The following KSR2 variants were observed in gnomAD, a reference collection of about 807,000 sequenced individuals.
KSR2 encodes the protein kinase suppressor of ras 2.
Under a neutral mutation model 107.8 loss-of-function variants are expected in KSR2, and 25 were observed. The observed-to-expected ratio is 0.23, with a 90% CI of 0.17 to 0.32. KSR2 has a LOEUF of 0.32. Among genes scored for constraint, KSR2 ranks in the 10% least tolerant of loss-of-function variants. The pLI, the probability that KSR2 is intolerant of heterozygous loss-of-function variation, is 1.00. For missense variants in KSR2, 887 were observed against 1,268.9 expected, an observed-to-expected ratio of 0.70 and a Z score of 4.57; for synonymous variants, 480 against 507.0, an observed-to-expected ratio of 0.95 and a Z score of 0.71.
intron 3 of KSR2, among the ~76,000 whole-genome samples, chr12:117,793,048 A>C (rs1442967636): frequency 1.3e-5 from 2 of 148,412 alleles, no homozygotes; most frequent in Admixed American, 6.7e-5. Flanking sequence ...ACACGCTCAC[A>C]TCAACATGCA....
chr12:117,582,400 A>AGCCCACCCCAGTCTCT, intron 5 of KSR2, 41 bp from the exon 6 acceptor site: 1 of 1,519,728 alleles, frequency 6.6e-7, no homozygotes, highest in Non-Finnish European at 9.1e-7. Flanking sequence ...AGAGGGTCAG[A>AGCCCACCCCAGTCTCT]GACTGGGGTG....
At chr12:117,703,152 G>T (rs1273197237) in intron 4 of KSR2, among the ~76,000 whole-genome samples, 2 of 152,162 alleles carry the variant, frequency 1.3e-5, no homozygotes, top group East Asian at 3.9e-4. Flanking sequence ...AGATGGCTCT[G>T]GAGTCAGGCC....
intron 1 of KSR2, among the ~76,000 whole-genome samples, chr12:117,882,618 T>TATCC (rs368662734): frequency 8.6e-5 from 12 of 138,848 alleles, no homozygotes; most frequent in African/African-American, 2.7e-4. Flanking sequence ...TCCTTCCATC[T>TATCC]ATCCATCCAT....
intron 2 of KSR2, among the ~76,000 whole-genome samples, chr12:117,857,491 A>C (rs1893142252): frequency 6.6e-6 from 1 of 152,116 alleles, no homozygotes; most frequent in Non-Finnish European, 1.5e-5. Flanking sequence ...ATTTCAATTT[A>C]CTCTAAAGCT....
chr12:117,785,475 C>CAGA (rs1302071102), intron 3 of KSR2, among the ~76,000 whole-genome samples: 5 of 142,938 alleles, frequency 3.5e-5, no homozygotes, highest in African/African-American at 1.3e-4. Context: ...TGAGATGAGC[C>CAGA]AGATATTAGA....
At chr12:117,717,666 GGTGTGTGTGTGTGTGTGT>G (rs55910019) in intron 4 of KSR2, among the ~76,000 whole-genome samples, 2,810 of 144,458 alleles carry the variant, frequency 0.019, 80 homozygotes, top group African/African-American at 0.058. Context: ...GGGGCAGACA[GGTGTGTGTGTGTGTGTGT>G]GTGTGTGTGT....
intron 1 of KSR2, among the ~76,000 whole-genome samples, chr12:117,923,675 G>A (rs1895413609): frequency 6.6e-6 from 1 of 151,974 alleles, no homozygotes. Flanking sequence ...ATATGTGTGT[G>A]TGTGTGTGTG....
chr12:117,470,295 C>T (rs1300772260), intron 18 of KSR2, among the ~76,000 whole-genome samples: 3 of 151,346 alleles, frequency 2.0e-5, no homozygotes, highest in African/African-American at 7.3e-5. Flanking sequence ...CATCCATCCA[C>T]CCATATATCA....
Position 117,526,044 on chromosome 12 carries a change from G to A in KSR2, c.1852-825C>T, listed in dbSNP as rs149060180. Among the ~76,000 whole-genome samples the A allele has an allele frequency of 2.3e-4, 35 of 152,294 alleles. No homozygotes were observed. In the East Asian group the frequency reaches 5.8e-3, roughly 25 times the overall value. On this transcript the variant is annotated intron_variant, in intron 13 of 19. Transcript: ENST00000339824. ...CCAGGGCCGGTGTGAGGTTTTAGAT[G>A]AAGGCCTGTTAAGTTCTTTGTACAG...
At chr12:117,549,290 T>C (rs1405602504) in intron 9 of KSR2, among the ~76,000 whole-genome samples, 1 of 152,188 alleles carries the variant, frequency 6.6e-6, no homozygotes, top group Non-Finnish European at 1.5e-5. Flanking sequence ...GTGAGGTTTT[T>C]CAAGAAAGCT....
chr12:117,491,058 T>C (rs1872718303), intron 14 of KSR2, among the ~76,000 whole-genome samples: 1 of 152,204 alleles, frequency 6.6e-6, no homozygotes, highest in African/African-American at 2.4e-5. Context: ...TCTGTGGCCT[T>C]TGATCAAAGT....
Position 117,457,004 on chromosome 12 carries a change from C to T in KSR2, c.*10195G>A, listed in dbSNP as rs1211975863. On this transcript the variant is annotated 3_prime_UTR_variant, in exon 20 of 20. Coordinates refer to ENST00000339824, the MANE Select transcript of KSR2 (RefSeq NM_173598.6). ...CAGAAGGGCTTTCCCTGAGTAGCCT[C>T]AGAAAGCAACACCAAGATTGCCGGA... 1 of 152,216 alleles carries T rather than the reference C, an allele frequency of 6.6e-6. No individual in the cohort carries two copies. The highest frequency in any genetic ancestry group is 1.5e-5 in the Non-Finnish European group (1 of 68,050). 9.4% of individuals were successfully genotyped at this position (152,216 alleles called of 1,614,324 possible). A position where few individuals can be genotyped will look rare whatever the true frequency, so the allele number is the denominator to read the frequency against.
At chr12:117,883,424 T>A (rs1488231137) in intron 1 of KSR2, among the ~76,000 whole-genome samples, 1 of 152,182 alleles carries the variant, frequency 6.6e-6, no homozygotes, top group Non-Finnish European at 1.5e-5. Flanking sequence ...TTGGGCTAAA[T>A]CCTGAGATAA....
intron 5 of KSR2, among the ~76,000 whole-genome samples, chr12:117,643,080 C>T (rs1037139854): frequency 6.6e-6 from 1 of 152,100 alleles, no homozygotes; most frequent in Non-Finnish European, 1.5e-5. Flanking sequence ...ATTTTATGCA[C>T]CCATGAAATT....
At chr12:117,535,631 TG>T (rs1875997365) in intron 10 of KSR2, among the ~76,000 whole-genome samples, 3 of 151,566 alleles carry the variant, frequency 2.0e-5, no homozygotes, top group Non-Finnish European at 4.4e-5. Context: ...TGTGTGTGTG[TG>T]TGTGTGTGTG....
intron 14 of KSR2, among the ~76,000 whole-genome samples, chr12:117,523,074 C>T (rs1874866039): frequency 6.6e-6 from 1 of 152,200 alleles, no homozygotes; most frequent in South Asian, 2.1e-4. Context: ...AGGCCCATCC[C>T]TAGATCTCTA....
In KSR2 at chr12:117,453,847, T is replaced by G. The variant is rs1482379279; in HGVS notation, c.*13352A>C. The G allele has an allele frequency of 6.6e-6, 1 of 152,100 alleles. No individual in the cohort carries two copies. Among genetic ancestry groups the G allele is most frequent in the Non-Finnish European group, 1.5e-5 (1 of 68,054 alleles). The allele number at this position is 152,100 out of a possible 1,614,324, so 9.4% of individuals were successfully genotyped here. On this transcript the variant is annotated 3_prime_UTR_variant, in exon 20 of 20. Coordinates refer to ENST00000339824, the MANE Select transcript of KSR2 (RefSeq NM_173598.6). ...TGCCTTATCTGCCCCAGTCAACTTC[T>G]GCTTTGGGATAGGGAGGAAGAATGT... is the stretch of plus-strand genomic sequence containing the variant.
rs1875224294 is a variant in KSR2 at position 117,527,094 on chromosome 12, T to C, written c.1828A>G (p.Ile610Val). ...ACCTCCGACGTTGGCTCCACTTCAATTTGAAGTAATGGATTTCCTTCCAAG... is the reference window on the plus strand; with the variant it reads ...ACCTCCGACGTTGGCTCCACTTCAACTTGAAGTAATGGATTTCCTTCCAAG... ...PILEGNPLLQ[I>V]EVEPTSENEE... The change falls in exon 13 of 20, where the codon ATT becomes GTT. Residue 610 changes from isoleucine to valine, a missense_variant. Ile to Val is a conservative substitution (Grantham distance 29). This residue lies in a region of KSR2 where 308 missense variants were observed against 506.2 expected (regional missense o/e 0.61). Transcript: ENST00000339824. 1 of 1,613,542 alleles carries C rather than the reference T, an allele frequency of 6.2e-7. No homozygotes were observed. Among genetic ancestry groups the C allele is most frequent in the South Asian group, 1.1e-5 (1 of 91,048 alleles).
chr12:117,580,501 T>A (rs1315978178), intron 6 of KSR2, among the ~76,000 whole-genome samples: 1 of 152,186 alleles, frequency 6.6e-6, no homozygotes, highest in East Asian at 1.9e-4. Context: ...CTCTTGTGCT[T>A]GGGATCAGCT....
Sources: gnomAD v4.1 joint callset for allele counts (sites outside exome capture counted in the v4.1 genomes callset) on GRCh38, gnomAD v4.1.1 for gene constraint, gnomAD v4.1.1 regional missense constraint, MANE v1.5 for transcripts, NCBI Gene and HGNC (gene_info 2026-07-23, HGNC 2026-07-21) for gene names.